The following LRP6 variants were observed in gnomAD, a reference collection of about 807,000 sequenced individuals.
The protein encoded by LRP6 is low-density lipoprotein receptor-related protein 6.
LRP6 carries 43 observed loss-of-function variants against 184.1 expected under a neutral mutation model. The ratio of observed to expected loss-of-function variants is 0.23; its 90% confidence interval spans 0.18 to 0.30. LRP6 has a LOEUF of 0.30. Ranked by LOEUF, LRP6 falls within the 10% of genes least tolerant of loss-of-function variation. The pLI is 1.00. For missense variants in LRP6, 1,571 were observed against 2,005.3 expected (o/e 0.78, Z 4.14); for synonymous variants, 719 against 684.9 (o/e 1.05, Z -0.78).
intron 1 of LRP6, among the ~76,000 whole-genome samples, chr12:12,262,691 G>A (rs981093084): frequency 6.6e-6 from 1 of 151,888 alleles, no homozygotes; most frequent in Non-Finnish European, 1.5e-5. Flanking sequence ...ATCAGTATCC[G>A]AATGGAACTA....
chr12:12,127,457 T>A (rs1276173582), intron 19 of LRP6, among the ~76,000 whole-genome samples: 3 of 152,216 alleles, frequency 2.0e-5, no homozygotes, highest in African/African-American at 7.2e-5. Flanking sequence ...GAATGAAAAC[T>A]GGAAGCTAAA....
intron 2 of LRP6, among the ~76,000 whole-genome samples, chr12:12,211,296 G>A (rs1565655092): frequency 6.6e-6 from 1 of 152,164 alleles, no homozygotes; most frequent in East Asian, 1.9e-4. Context: ...ACAAAAATTA[G>A]TTAGGCGTGG....
chr12:12,252,816 C>A (rs531890088), intron 1 of LRP6, among the ~76,000 whole-genome samples: 1 of 152,284 alleles, frequency 6.6e-6, no homozygotes, highest in Admixed American at 6.5e-5. Context: ...TTGATACATT[C>A]TTGATATACT....
chr12:12,151,518 C>T (rs768408746), intron 12 of LRP6, among the ~76,000 whole-genome samples: 1 of 151,806 alleles, frequency 6.6e-6, no homozygotes, highest in Non-Finnish European at 1.5e-5. Flanking sequence ...TAGTCTCAGC[C>T]TTCTCATTTG....
chr12:12,223,318 A>C (rs1864538506), intron 2 of LRP6, among the ~76,000 whole-genome samples: 1 of 152,224 alleles, frequency 6.6e-6, no homozygotes, highest in South Asian at 2.1e-4. Flanking sequence ...CAAGTGTTTA[A>C]CAGAAAATTA....
intron 7 of LRP6, among the ~76,000 whole-genome samples, chr12:12,177,224 C>T (rs368128283): frequency 1.3e-5 from 2 of 151,986 alleles, no homozygotes; most frequent in African/African-American, 2.4e-5. Context: ...ATAGTCCCAG[C>T]GAAAAGCAGC....
chr12:12,158,700 C>T (rs1366027281), intron 12 of LRP6, 129 bp downstream of exon 12: 3 of 868,474 alleles, frequency 3.5e-6, no homozygotes, highest in Non-Finnish European at 5.6e-6. Context: ...ATTCCCCTAC[C>T]CTTTAACCAA....
intron 5 of LRP6, among the ~76,000 whole-genome samples, chr12:12,183,314 A>G (rs534995587): frequency 2.2e-4 from 34 of 152,314 alleles, no homozygotes; most frequent in African/African-American, 7.0e-4. Context: ...GAGAATGAAG[A>G]ATAACATTCT....
chr12:12,128,813 G>A (rs1178069664), intron 19 of LRP6, among the ~76,000 whole-genome samples: 5 of 152,182 alleles, frequency 3.3e-5, no homozygotes, highest in Non-Finnish European at 7.3e-5. Flanking sequence ...GTCACTCAGT[G>A]AGGTACCTGT....
chr12:12,128,524 G>A (rs755517046), intron 19 of LRP6, among the ~76,000 whole-genome samples: 5 of 152,042 alleles, frequency 3.3e-5, no homozygotes, highest in African/African-American at 4.8e-5. Context: ...GCTTCAGTGG[G>A]ATATTCCATG....
intron 1 of LRP6, among the ~76,000 whole-genome samples, chr12:12,255,816 TG>T (rs1865449096): frequency 6.6e-6 from 1 of 152,008 alleles, no homozygotes; most frequent in African/African-American, 2.4e-5. Flanking sequence ...AGCGATCCTC[TG>T]CCACGGCCTT....
Position 12,236,720 on chromosome 12 carries a change from C to T in LRP6, c.449+7542G>A, listed in dbSNP as rs563486240. ...TTTGCTAAAGTAGCTCACAGAACTC[C>T]GGGAAACACTTTATTTATATTTATC... On this transcript the variant is annotated intron_variant, in intron 2 of 22. Transcript: ENST00000261349. Among the ~76,000 whole-genome samples, 3 of 152,226 alleles carry T rather than the reference C, an allele frequency of 2.0e-5. No homozygotes were observed. In the East Asian group the frequency reaches 5.8e-4, roughly 29 times the overall value.
At position 12,266,784 on chromosome 12, in the gene LRP6, TG is replaced by T; in HGVS notation, c.-50del. On this transcript the variant is annotated 5_prime_UTR_variant, in exon 1 of 23. It removes the in-frame stop codon of an upstream open reading frame in the 5' UTR. Coordinates refer to ENST00000261349, the MANE Select transcript of LRP6 (RefSeq NM_002336.3). ...CTCACCGGCGAGGGGTGGCCAGAAG[TG>T]GGGGAGGCGAGGAGCCGGGGCGGCC... The T allele has an allele frequency of 6.5e-7, 1 of 1,527,502 alleles. No individual in the cohort carries two copies. The highest frequency in any genetic ancestry group is 8.9e-7 in the Non-Finnish European group (1 of 1,118,210). 94.6% of individuals were successfully genotyped at this position (1,527,502 alleles called of 1,614,324 possible).
At position 12,155,659 on chromosome 12, in the gene LRP6, A is replaced by G. The variant is rs540999178; in HGVS notation, c.2791+3170T>C. ...AAAGAAAGAAGCCAAAGAGAAAGGT[A>G]CCTGGGTTCAACTGAAGCGCCAGCC... On this transcript the variant is annotated intron_variant, in intron 12 of 22. Coordinates refer to ENST00000261349, the MANE Select transcript of LRP6 (RefSeq NM_002336.3). 372 of 965,908 alleles carry G rather than the reference A, an allele frequency of 3.9e-4. 1 individual carries two copies. In the African/African-American group the frequency reaches 5.4e-3, roughly 14 times the overall value. The allele number at this position is 965,908 out of a possible 1,614,324, so 59.8% of individuals were successfully genotyped here. A position where few individuals can be genotyped will look rare whatever the true frequency, so the allele number is the denominator to read the frequency against.
At chr12:12,173,360 G>A (rs1013586272) in intron 7 of LRP6, among the ~76,000 whole-genome samples, 1 of 152,058 alleles carries the variant, frequency 6.6e-6, no homozygotes, top group Non-Finnish European at 1.5e-5. Context: ...TTGTTTTTGG[G>A]GGGACAGGGT....
chr12:12,127,501 T>A (rs1949688954), intron 19 of LRP6, among the ~76,000 whole-genome samples: 1 of 152,208 alleles, frequency 6.6e-6, no homozygotes, highest in Non-Finnish European at 1.5e-5. Context: ...CCTATGCTGC[T>A]GGCCTTCAGG....
intron 19 of LRP6, 65 bp from the exon 20 acceptor site, chr12:12,126,986 A>G: frequency 7.7e-7 from 1 of 1,305,446 alleles, no homozygotes; most frequent in South Asian, 1.2e-5. Flanking sequence ...AATAGTAATC[A>G]AAAGAGGGCT....
Position 12,117,097 on chromosome 12 carries a change from CACT to C in LRP6, c.*4026_*4028del, listed in dbSNP as rs1949529181. 1.3e-5 allele frequency: 2 copies of C among 152,212 alleles called. No individual in the cohort carries two copies. The highest frequency in any genetic ancestry group is 4.8e-5 in the African/African-American group (2 of 41,468). 9.4% of individuals were successfully genotyped at this position (152,212 alleles called of 1,614,324 possible). Reference sequence around the variant, plus strand: ...TCCCAAAAGTCAGAAGCCACACATGCACTACAAGTACTTTCTAAAATCATCTTT... The same window carrying C: ...TCCCAAAAGTCAGAAGCCACACATGCACAAGTACTTTCTAAAATCATCTTT... On this transcript the variant is annotated 3_prime_UTR_variant, in exon 23 of 23. Transcript: ENST00000261349.
At chr12:12,164,623 T>C in intron 8 of LRP6, 61 bp from the exon 9 acceptor site, 1 of 1,529,494 alleles carries the variant, frequency 6.5e-7, no homozygotes, top group Non-Finnish European at 9.0e-7. Context: ...TTCAACATAT[T>C]TTCACTTTTA....
Sources: allele counts gnomAD v4.1 joint callset (sites outside exome capture counted in the v4.1 genomes callset), GRCh38; gene constraint gnomAD v4.1.1; transcripts MANE v1.5; gene names NCBI Gene and HGNC (gene_info 2026-07-23, HGNC 2026-07-21).